HSD17B3: variants seen among roughly 807,000 people sequenced by gnomAD.
HSD17B3 encodes the protein hydroxysteroid 17-beta dehydrogenase 3.
Under a neutral mutation model 41.1 loss-of-function variants are expected in HSD17B3, and 29 were observed. The observed-to-expected ratio is 0.71, with a 90% CI of 0.53 to 0.96. The LOEUF (loss-of-function observed/expected upper bound fraction) is 0.96, where lower values mean the gene tolerates loss of function less well. HSD17B3 is among the 40% of genes least tolerant of loss of function. The pLI is 0.00. For missense variants in HSD17B3, 323 were observed against 374.6 expected (o/e 0.86, Z 1.14); for synonymous variants, 126 against 145.6 (o/e 0.87, Z 0.97).
chr9:96,290,083 A>G (rs546938085), intron 2 of HSD17B3, among the ~76,000 whole-genome samples: 146 of 152,216 alleles, frequency 9.6e-4, no homozygotes, highest in African/African-American at 3.3e-3. Context: ...AGGAGTGGAA[A>G]CGGTGTGAAA....
chr9:96,245,371 G>A lies in HSD17B3; in HGVS notation c.580C>T (p.Leu194Phe). The part of the protein sequence containing the change: ...SSGIALFPWP[L>F]YSMYSASKAF... ...TTGGAAGCTGAGTACATGGAGTAGAGAGGCCAAGGAAACAGGGCTATCCCA... is the reference window on the plus strand; with the variant it reads ...TTGGAAGCTGAGTACATGGAGTAGAAAGGCCAAGGAAACAGGGCTATCCCA... The change falls in exon 8 of 11, where the codon CTC becomes TTC. Residue 194 changes from leucine to phenylalanine, a missense_variant. Leu to Phe is a conservative substitution (Grantham distance 22, BLOSUM62 0). Transcript: ENST00000375263. 3.7e-6 allele frequency: 6 copies of A among 1,613,972 alleles called. No individual in the cohort carries two copies. Among genetic ancestry groups the A allele is most frequent in the Non-Finnish European group, 5.1e-6 (6 of 1,179,840 alleles).
chr9:96,270,195 C>A (rs1191328163), intron 2 of HSD17B3, among the ~76,000 whole-genome samples: 1 of 151,394 alleles, frequency 6.6e-6, no homozygotes, highest in Non-Finnish European at 1.5e-5. Flanking sequence ...TTTTTTGTAA[C>A]CATATCTATG....
chr9:96,282,992 CTTTT>C (rs58397134), intron 2 of HSD17B3, among the ~76,000 whole-genome samples: 8 of 71,700 alleles, frequency 1.1e-4, no homozygotes, highest in African/African-American at 4.0e-4. Flanking sequence ...AGGTTTCTTT[CTTTT>C]TTTTTTTTTT....
At chr9:96,251,183 T>C in intron 5 of HSD17B3, 1 of 583,984 alleles carries the variant, frequency 1.7e-6, no homozygotes, top group Non-Finnish European at 3.1e-6. Flanking sequence ...CAGGTAAGTT[T>C]TGATGTGCAG....
At chr9:96,240,494 C>G (rs1240685484) in intron 10 of HSD17B3, among the ~76,000 whole-genome samples, 1 of 152,134 alleles carries the variant, frequency 6.6e-6, no homozygotes, top group Non-Finnish European at 1.5e-5. Context: ...TTGGTCTTCC[C>G]TGCCCAACAG....
chr9:96,278,893 C>T (rs1360809166), intron 2 of HSD17B3, among the ~76,000 whole-genome samples: 1 of 152,202 alleles, frequency 6.6e-6, no homozygotes, highest in East Asian at 1.9e-4. Context: ...ATCAAAGAGT[C>T]AGGAACCTGT....
chr9:96,270,417 TA>T (rs1826199397), intron 2 of HSD17B3, among the ~76,000 whole-genome samples: 1 of 152,104 alleles, frequency 6.6e-6, no homozygotes, highest in Non-Finnish European at 1.5e-5. Flanking sequence ...TAGAGGAACA[TA>T]AAAATAATTA....
Position 96,260,334 on chromosome 9 carries a change from A to G in HSD17B3, c.202-5391T>C, listed in dbSNP as rs1283554993. Among the ~76,000 whole-genome samples, 3 of 152,212 alleles carry G rather than the reference A, an allele frequency of 2.0e-5. No individual in the cohort carries two copies. The East Asian group carries it at 5.8e-4, about 29-fold the overall frequency. On this transcript the variant is annotated intron_variant, in intron 2 of 10. Coordinates refer to ENST00000375263, the MANE Select transcript of HSD17B3 (RefSeq NM_000197.2). Reference sequence around the variant, plus strand: ...CAGGAGCTTCCCAGTTTTAAAACTGAAAGTCCCACATCTGAAATCACCTTT... The same window carrying G: ...CAGGAGCTTCCCAGTTTTAAAACTGGAAGTCCCACATCTGAAATCACCTTT...
In HSD17B3 at chr9:96,237,922, G is replaced by C. The variant is rs12335993; in HGVS notation, c.823-2352C>G. Among the ~76,000 whole-genome samples the C allele has an allele frequency of 4.7e-3, 718 of 152,170 alleles. 4 individuals are homozygous for C. Among genetic ancestry groups the C allele is most frequent in the Non-Finnish European group, 6.2e-3 (422 of 68,012 alleles). On this transcript the variant is annotated intron_variant, in intron 10 of 10. Transcript: ENST00000375263. The stretch of plus-strand genomic sequence containing the variant: ...AAGCGGGAGGATAGCTGGAGCCCAG[G>C]AGTTCAAGACCAGTCTGGGCAACAA...
chr9:96,261,306 C>G (rs1825848763), intron 2 of HSD17B3, among the ~76,000 whole-genome samples: 1 of 152,214 alleles, frequency 6.6e-6, no homozygotes, highest in South Asian at 2.1e-4. Context: ...AGGGATTCTC[C>G]TGCCTCAGCC....
chr9:96,241,098 G>A (rs1836423965), intron 9 of HSD17B3, among the ~76,000 whole-genome samples, 191 bp from the exon 10 acceptor site: 1 of 152,122 alleles, frequency 6.6e-6, no homozygotes, highest in African/African-American at 2.4e-5. Context: ...TTCTCAAGAT[G>A]AGAACCTACC....
At chr9:96,284,841 A>T (rs1394072416) in intron 2 of HSD17B3, among the ~76,000 whole-genome samples, 6 of 145,962 alleles carry the variant, frequency 4.1e-5, no homozygotes, top group Non-Finnish European at 4.5e-5. Context: ...ATCAAAGCCA[A>T]TTTTTTTTTT....
intron 3 of HSD17B3, 27 bp from the exon 4 acceptor site, chr9:96,252,937 A>G (rs1287719012): frequency 7.1e-7 from 1 of 1,408,816 alleles, no homozygotes. Context: ...AGTTTTTTTA[A>G]TGAACAGGGA....
At position 96,245,342 on chromosome 9, in the gene HSD17B3, C is replaced by T. The variant is rs1192447017; in HGVS notation, c.606+3G>A. The T allele has an allele frequency of 1.2e-6, 2 of 1,608,564 alleles. No individual in the cohort carries two copies. The highest frequency in any genetic ancestry group is 2.2e-5 in the South Asian group (2 of 90,966). ...GAGACTTGGAAGTCATGACATCACTCACCTTGGAAGCTGAGTACATGGAGT... is the reference window on the plus strand; with the variant it reads ...GAGACTTGGAAGTCATGACATCACTTACCTTGGAAGCTGAGTACATGGAGT... On this transcript the variant is annotated splice_donor_region_variant and intron_variant, in intron 8 of 10. Transcript: ENST00000375263.
chr9:96,247,977 A>C (rs1336600432), intron 6 of HSD17B3, among the ~76,000 whole-genome samples: 1 of 152,188 alleles, frequency 6.6e-6, no homozygotes, highest in Non-Finnish European at 1.5e-5. Flanking sequence ...GCTAAACTTC[A>C]ATTTATTTTA....
In HSD17B3 at chr9:96,270,111, C is replaced by G. The variant is rs115612538; in HGVS notation, c.202-15168G>C. On this transcript the variant is annotated intron_variant, in intron 2 of 10. Transcript: ENST00000375263. Reference sequence around the variant, plus strand: ...GGAAGGTAAACATAAATGTGGCATACAGGCAGCTTCAAGGACACTGGTGAT... The same window carrying G: ...GGAAGGTAAACATAAATGTGGCATAGAGGCAGCTTCAAGGACACTGGTGAT... 4.4e-3 allele frequency among the ~76,000 whole-genome samples: 667 copies of G among 152,112 alleles called. 7 individuals are homozygous for G. The highest frequency in any genetic ancestry group is 0.015 in the African/African-American group (631 of 41,496).
At chr9:96,262,140 T>A (rs1451129975) in intron 2 of HSD17B3, among the ~76,000 whole-genome samples, 1 of 151,276 alleles carries the variant, frequency 6.6e-6, no homozygotes, top group Non-Finnish European at 1.5e-5. Context: ...CCCATGAGAC[T>A]GCTTATTGAA....
chr9:96,243,133 G>A lies in HSD17B3; in HGVS notation c.672+1196C>T, dbSNP rs139575260. Among the ~76,000 whole-genome samples, 1,000 of 152,342 alleles carry A rather than the reference G, an allele frequency of 6.6e-3. 13 individuals carry two copies. Among genetic ancestry groups the A allele is most frequent in the South Asian group, 0.031 (149 of 4,826 alleles). On this transcript the variant is annotated intron_variant, in intron 9 of 10. Coordinates refer to ENST00000375263, the MANE Select transcript of HSD17B3 (RefSeq NM_000197.2). ...TGTGAACCCACAGTGGATGTGTCAC[G>A]TGAATGCAAAATAGGACTTTGTTGT... is the stretch of plus-strand genomic sequence containing the variant.
intron 2 of HSD17B3, among the ~76,000 whole-genome samples, chr9:96,279,992 A>G (rs1826623478): frequency 6.6e-6 from 1 of 151,886 alleles, no homozygotes; most frequent in African/African-American, 2.4e-5. Context: ...GATGGTCTCG[A>G]TCTCCTAACC....
Sources: gnomAD v4.1 joint callset for allele counts (sites outside exome capture counted in the v4.1 genomes callset) on GRCh38, gnomAD v4.1.1 for gene constraint, MANE v1.5 for transcripts, NCBI Gene and HGNC (gene_info 2026-07-23, HGNC 2026-07-21) for gene names.